The following RUNX1 variants were observed in gnomAD, a reference collection of about 807,000 sequenced individuals.
RUNX1 encodes runt-related transcription factor 1.
RUNX1 carries 19 observed loss-of-function variants against 42.8 expected under a neutral mutation model. The observed-to-expected ratio is 0.44, with a 90% CI of 0.31 to 0.65. The LOEUF is 0.65. RUNX1 is among the 30% of genes least tolerant of loss of function. The probability of loss-of-function intolerance (pLI) is 0.07; values close to 1 mark genes in which losing one functional copy is unlikely to be tolerated. For missense variants in RUNX1, 528 were observed against 672.0 expected (o/e 0.79, Z 2.37); for synonymous variants, 271 against 289.4 (o/e 0.94, Z 0.64).
At chr21:34,917,873 A>G (rs1444942573) in intron 2 of RUNX1, among the ~76,000 whole-genome samples, 2 of 151,968 alleles carry the variant, frequency 1.3e-5, no homozygotes, top group Admixed American at 6.6e-5. Flanking sequence ...GCTCATGCCT[A>G]TAATCCCAGC....
At chr21:34,801,924 T>C (rs1045356757) in intron 7 of RUNX1, among the ~76,000 whole-genome samples, 1 of 152,192 alleles carries the variant, frequency 6.6e-6, no homozygotes, top group African/African-American at 2.4e-5. Context: ...TTCTGTCTGG[T>C]GAGCAACTGG....
At chr21:35,028,757 T>C (rs1286668774) in intron 2 of RUNX1, among the ~76,000 whole-genome samples, 1 of 152,274 alleles carries the variant, frequency 6.6e-6, no homozygotes. Flanking sequence ...ACATGGATCA[T>C]TCAGTAAATT....
chr21:34,983,247 T>C (rs1192311243), intron 2 of RUNX1, among the ~76,000 whole-genome samples: 1 of 152,180 alleles, frequency 6.6e-6, no homozygotes, highest in Non-Finnish European at 1.5e-5. Context: ...ACTCGAATGG[T>C]GATGTGAATC....
chr21:34,860,838 A>G (rs1424445027), intron 5 of RUNX1, among the ~76,000 whole-genome samples: 1 of 152,230 alleles, frequency 6.6e-6, no homozygotes, highest in Non-Finnish European at 1.5e-5. Context: ...TGAAAATATA[A>G]TCTTTGGCCA....
In RUNX1 at chr21:34,791,546, GAAGC is replaced by G. The variant is rs2145868325; in HGVS notation, c.*585_*588del. Reference sequence around the variant, plus strand: ...TTCTTTCCATGGTCAAAGCAAGAAAGAAGCAAGCTCAATTTATATATATTTATAT... The same window carrying G: ...TTCTTTCCATGGTCAAAGCAAGAAAGAAGCTCAATTTATATATATTTATAT... On this transcript the variant is annotated 3_prime_UTR_variant, in exon 9 of 9. Transcript: ENST00000675419. 3 of 230,550 alleles carry G rather than the reference GAAGC, an allele frequency of 1.3e-5. No individual in the cohort carries two copies. The highest frequency in any genetic ancestry group is 6.2e-5 in the East Asian group (1 of 16,176). 14.3% of individuals were successfully genotyped at this position (230,550 alleles called of 1,614,324 possible).
chr21:34,919,805 G>C (rs761005206), intron 2 of RUNX1, among the ~76,000 whole-genome samples: 3 of 152,174 alleles, frequency 2.0e-5, no homozygotes, highest in Non-Finnish European at 4.4e-5. Flanking sequence ...ACATTAGAAC[G>C]AACTATTTCA....
At chr21:34,827,489 C>T (rs539273971) in intron 7 of RUNX1, among the ~76,000 whole-genome samples, 22 of 152,250 alleles carry the variant, frequency 1.4e-4, no homozygotes, top group African/African-American at 4.1e-4. Context: ...AGTATGAATG[C>T]GAGGAAGCCA....
chr21:35,035,645 AAT>A, intron 2 of RUNX1, among the ~76,000 whole-genome samples: 1 of 152,238 alleles, frequency 6.6e-6, no homozygotes, highest in East Asian at 1.9e-4. Context: ...CATAAGCCAC[AAT>A]GAAACGGCAT....
intron 2 of RUNX1, among the ~76,000 whole-genome samples, chr21:34,985,981 C>G (rs1293571294): frequency 6.6e-6 from 1 of 150,784 alleles, no homozygotes; most frequent in Non-Finnish European, 1.5e-5. Context: ...AAGAGATACT[C>G]CTTGTCTCAG....
intron 2 of RUNX1, among the ~76,000 whole-genome samples, chr21:34,919,748 TTGAG>T (rs2058340212): frequency 6.6e-6 from 1 of 152,208 alleles, no homozygotes; most frequent in South Asian, 2.1e-4. Flanking sequence ...TGCTTGATAA[TTGAG>T]TATTATTAGA....
chr21:34,822,565 G>A (rs991243193), intron 7 of RUNX1, among the ~76,000 whole-genome samples: 5 of 152,148 alleles, frequency 3.3e-5, no homozygotes, highest in African/African-American at 4.8e-5. Flanking sequence ...CTTGTTGGAC[G>A]ACCAACAGAA....
chr21:34,988,936 T>C (rs956181415), intron 2 of RUNX1, among the ~76,000 whole-genome samples: 2 of 151,850 alleles, frequency 1.3e-5, no homozygotes, highest in Non-Finnish European at 2.9e-5. Flanking sequence ...ATGATCCCAA[T>C]AGGTGCAGGT....
At chr21:34,889,840 T>A (rs898851090) in intron 3 of RUNX1, 9 of 1,107,650 alleles carry the variant, frequency 8.1e-6, no homozygotes, top group Non-Finnish European at 1.0e-5. Flanking sequence ...CCCGTCACCA[T>A]GAGTCCCTCC....
chr21:35,011,667 C>T (rs931130070), intron 2 of RUNX1, among the ~76,000 whole-genome samples: 3 of 152,208 alleles, frequency 2.0e-5, no homozygotes, highest in African/African-American at 7.2e-5. Context: ...GAATTGATCC[C>T]ATCCATGTTT....
intron 6 of RUNX1, among the ~76,000 whole-genome samples, chr21:34,838,516 T>C (rs1372753877): frequency 6.6e-6 from 1 of 152,222 alleles, no homozygotes; most frequent in East Asian, 1.9e-4. Flanking sequence ...TGTATAAAAT[T>C]GTGGTTCTTC....
At chr21:34,888,663 C>T (rs1048893048) in intron 3 of RUNX1, 1 of 1,046,624 alleles carries the variant, frequency 9.6e-7, no homozygotes, top group South Asian at 4.6e-5. Flanking sequence ...GCGGGGCGCC[C>T]GTCCCGCCCG....
intron 7 of RUNX1, chr21:34,834,188 A>T (rs760199335): frequency 4.3e-6 from 3 of 699,256 alleles, no homozygotes; most frequent in South Asian, 1.5e-5. Flanking sequence ...CCTTGTGGGG[A>T]TCTGGTTACA....
In RUNX1 at chr21:34,821,235, G is replaced by A. The variant is rs1256012342; in HGVS notation, c.805+13175C>T. Reference sequence around the variant, plus strand: ...GAGGACCGATGGGTACAACTAACTGGTGATACAACAATGCCGCCAATAAGA... The same window carrying A: ...GAGGACCGATGGGTACAACTAACTGATGATACAACAATGCCGCCAATAAGA... On this transcript the variant is annotated intron_variant, in intron 7 of 8. Transcript: ENST00000675419. 2.9e-6 allele frequency: 3 copies of A among 1,046,596 alleles called. No homozygotes were observed. The South Asian group carries it at 1.3e-4, about 45-fold the overall frequency. 64.8% of individuals were successfully genotyped at this position (1,046,596 alleles called of 1,614,324 possible).
rs2056409062 is a variant in RUNX1 at position 34,789,467 on chromosome 21, C to A, written c.*2668G>T. On this transcript the variant is annotated 3_prime_UTR_variant, in exon 9 of 9. Transcript: ENST00000675419. ...TGGCTTATTCAATACTTCTCCTGGA[C>A]CAGACACATGCAGTTATTACATGAT... 4.3e-6 allele frequency: 1 copy of A among 233,582 alleles called. No homozygotes were observed. The highest frequency in any genetic ancestry group is 8.5e-6 in the Non-Finnish European group (1 of 118,044). 14.5% of individuals were successfully genotyped at this position (233,582 alleles called of 1,614,324 possible).
Sources: gnomAD v4.1 joint callset for allele counts (sites outside exome capture counted in the v4.1 genomes callset) on GRCh38, gnomAD v4.1.1 for gene constraint, MANE v1.5 for transcripts, NCBI Gene and HGNC (gene_info 2026-07-23, HGNC 2026-07-21) for gene names.